The following KLHL31 variants were observed in gnomAD, a reference collection of about 807,000 sequenced individuals.
The protein encoded by KLHL31 is kelch like family member 31.
Under a neutral mutation model 47.1 loss-of-function variants are expected in KLHL31, and 32 were observed. The ratio of observed to expected loss-of-function variants is 0.68; its 90% CI spans 0.51 to 0.91. KLHL31 has a LOEUF of 0.91. KLHL31 is among the 40% of genes least tolerant of loss of function. The probability of loss-of-function intolerance (pLI) is 0.00; values close to 1 mark genes in which losing one functional copy is unlikely to be tolerated. For missense variants in KLHL31, 797 were observed against 819.3 expected, an observed-to-expected ratio of 0.97 and a Z score of 0.33; for synonymous variants, 330 against 325.1, an observed-to-expected ratio of 1.01 and a Z score of -0.16.
At chr6:53,656,500 G>T (rs571638926) in intron 1 of KLHL31, among the ~76,000 whole-genome samples, 1 of 152,068 alleles carries the variant, frequency 6.6e-6, no homozygotes, top group Non-Finnish European at 1.5e-5. Context: ...GTATATGTGT[G>T]TATGTGTGTG....
intron 1 of KLHL31, among the ~76,000 whole-genome samples, chr6:53,663,581 T>C (rs1307770590): frequency 6.6e-6 from 1 of 152,232 alleles, no homozygotes; most frequent in Non-Finnish European, 1.5e-5. Flanking sequence ...TTCAATCTCA[T>C]ATGGTTCAAC....
intron 1 of KLHL31, among the ~76,000 whole-genome samples, chr6:53,657,339 TCAGCTCTTGTGAGCCAGTGCAAGC>T (rs1764576831): frequency 6.6e-6 from 1 of 152,200 alleles, no homozygotes; most frequent in African/African-American, 2.4e-5. Context: ...AATTCATCAA[TCAGCTCTTGTGAGCCAGTGCAAGC>T]CAGCTCCAAC....
chr6:53,647,926 T>A lies in KLHL31; in HGVS notation c.*3672A>T, dbSNP rs58986531. On this transcript the variant is annotated 3_prime_UTR_variant, in exon 3 of 3. Transcript: ENST00000370905. The stretch of plus-strand genomic sequence containing the variant: ...TATTTAGTCATTGACTAAGGTCTTA[T>A]TGAATGCAGCTTTATTGATAGTGAT... 6.6e-6 allele frequency: 1 copy of A among 152,596 alleles called. No individual in the cohort carries two copies. Among genetic ancestry groups the A allele is most frequent in the Non-Finnish European group, 1.5e-5 (1 of 68,040 alleles). 9.5% of individuals were successfully genotyped at this position (152,596 alleles called of 1,614,324 possible). A position where few individuals can be genotyped will look rare whatever the true frequency, so the allele number is the denominator to read the frequency against.
At chr6:53,653,402 C>A (rs1356377073) in intron 2 of KLHL31, among the ~76,000 whole-genome samples, 1 of 152,176 alleles carries the variant, frequency 6.6e-6, no homozygotes, top group Non-Finnish European at 1.5e-5. Flanking sequence ...TGACTTTGTA[C>A]TACTACCATG....
rs1764459821 is a variant in KLHL31 at position 53,651,317 on chromosome 6, G to A, written c.*281C>T. ...TTAGGAAACATGCCGCCTTGGGAGA[G>A]TGCCTATAACGAATTCCGTCTGCCA... On this transcript the variant is annotated 3_prime_UTR_variant, in exon 3 of 3. Transcript: ENST00000370905. 6.7e-6 allele frequency: 2 copies of A among 297,054 alleles called. No homozygotes were observed. The highest frequency in any genetic ancestry group is 1.2e-5 in the Non-Finnish European group (2 of 165,852). The allele number at this position is 297,054 out of a possible 1,614,324, so 18.4% of individuals were successfully genotyped here.
rs1383096248 is a variant in KLHL31, at chr6:53,655,229, A to G, written c.44T>C (p.Ile15Thr). 16 of 1,603,546 alleles carry G rather than the reference A, an allele frequency of 1.0e-5. No individual in the cohort carries two copies. In the East Asian group the frequency reaches 2.5e-4, roughly 25 times the overall value. ...KKIVKKNKGD[I>T]NEMTIIVEDS... ...TTCTACGATTATAGTCATCTCATTG[A>G]TATCTCCTTTGTTCTTTTTGACAAT... is the stretch of plus-strand genomic sequence containing the variant. Residue 15 changes from isoleucine (I) to threonine (T), a missense_variant, in exon 2 of 3, where the codon ATC (isoleucine) becomes ACC (threonine). By Grantham distance (89) the Ile-to-Thr change is moderately conservative (BLOSUM62 -1). Transcript: ENST00000370905.
At position 53,654,276 on chromosome 6, in the gene KLHL31, T is replaced by TA; in HGVS notation, c.996dup (p.Ser333Ter). 6.2e-7 allele frequency: 1 copy of TA among 1,614,212 alleles called. No individual in the cohort carries two copies. Among genetic ancestry groups the TA allele is most frequent in the Non-Finnish European group, 8.5e-7 (1 of 1,180,032 alleles). ...GGGTCTCTATACAAGATGTCTCTGC[T>TA]AAGGGACTTCTCAGTAAGGCCTGGG... On this transcript the variant is annotated frameshift_variant, in exon 2 of 3. Transcript: ENST00000370905. LOFTEE classifies it high-confidence loss of function.
Position 53,652,305 on chromosome 6 carries a change from T to C in KLHL31, c.1198A>G (p.Ile400Val), listed in dbSNP as rs142009836. The C allele has an allele frequency of 1.5e-4, 243 of 1,614,124 alleles. No individual in the cohort carries two copies. The African/African-American group carries it at 2.9e-3, about 20-fold the overall frequency. Residue 400 changes from isoleucine to valine, a missense_variant, in exon 3 of 3, where the codon ATA becomes GTA. Physicochemically the swap from Ile to Val is conservative, Grantham distance 29. Transcript: ENST00000370905. ...TTCTGGTTCATGCTGGCCAGGTGTATCCAGGTGTTGAAGCGGGGATCGTAT... is the reference window on the plus strand; with the variant it reads ...TTCTGGTTCATGCTGGCCAGGTGTACCCAGGTGTTGAAGCGGGGATCGTAT... ...CRYDPRFNTW[I>V]HLASMNQKRT...
In KLHL31 at chr6:53,651,506, T is replaced by C; in HGVS notation, c.*92A>G. The C allele has an allele frequency of 6.4e-6, 9 of 1,397,710 alleles. No individual in the cohort carries two copies. Among genetic ancestry groups the C allele is most frequent in the Non-Finnish European group, 7.7e-6 (8 of 1,034,358 alleles). The allele number at this position is 1,397,710 out of a possible 1,614,324, so 86.6% of individuals were successfully genotyped here. ...ACAATACAATCAGTGTAGTAAATGT[T>C]AAATATTTTCCTTTTCGCGAACTCA... On this transcript the variant is annotated 3_prime_UTR_variant, in exon 3 of 3. Transcript: ENST00000370905.
intron 1 of KLHL31, among the ~76,000 whole-genome samples, chr6:53,659,415 T>C (rs954074343): frequency 6.6e-6 from 1 of 152,194 alleles, no homozygotes. Flanking sequence ...CATTTGGTTA[T>C]AGGTTAGGTG....
chr6:53,659,816 G>A (rs1173699202), intron 1 of KLHL31, among the ~76,000 whole-genome samples: 1 of 152,186 alleles, frequency 6.6e-6, no homozygotes, highest in Non-Finnish European at 1.5e-5. Flanking sequence ...AGTGCAACTT[G>A]AGGCTAGATG....
At chr6:53,653,910 T>G (rs1001598189) in intron 2 of KLHL31, among the ~76,000 whole-genome samples, 191 bp downstream of exon 2, 1 of 152,214 alleles carries the variant, frequency 6.6e-6, no homozygotes, top group Non-Finnish European at 1.5e-5. Context: ...TTCAGAAATC[T>G]ATAGTGCAAA....
chr6:53,653,577 C>T (rs1335313072), intron 2 of KLHL31, among the ~76,000 whole-genome samples: 1 of 152,048 alleles, frequency 6.6e-6, no homozygotes, highest in Admixed American at 6.6e-5. Flanking sequence ...TTCTGTTATT[C>T]GGTTTTCAAA....
Position 53,651,712 on chromosome 6 carries a change from G to C in KLHL31, c.1791C>G (p.Asp597Glu). 6.2e-7 allele frequency: 1 copy of C among 1,614,142 alleles called. No individual in the cohort carries two copies. The highest frequency in any genetic ancestry group is 8.5e-7 in the Non-Finnish European group (1 of 1,180,028). The change falls in exon 3 of 3, where the codon GAC (aspartate) becomes GAG (glutamate). Residue 597 changes from aspartate to glutamate, a missense_variant. Transcript: ENST00000370905. ...CGACAGTGGCCTCGGGTAGCTCGTC[G>C]TCCTCCGTCCACTCGTTGAGCTCGG... ...FSPELNEWTEDDELPEATVGV... is the reference protein window; with the variant it reads ...FSPELNEWTEEDELPEATVGV...
chr6:53,664,360 T>C (rs1005755631), intron 1 of KLHL31, among the ~76,000 whole-genome samples: 2 of 152,212 alleles, frequency 1.3e-5, no homozygotes, highest in Non-Finnish European at 2.9e-5. Flanking sequence ...GGTGAGTCCA[T>C]GAGTCCTGCG....
intron 1 of KLHL31, among the ~76,000 whole-genome samples, 186 bp from the exon 2 acceptor site, chr6:53,655,491 C>T (rs1764547196): frequency 6.6e-6 from 1 of 152,164 alleles, no homozygotes; most frequent in Admixed American, 6.5e-5. Flanking sequence ...CAGCATGAAG[C>T]ATTGAAGACA....
chr6:53,649,328 G>A lies in KLHL31; in HGVS notation c.*2270C>T, dbSNP rs1436550803. 6.6e-6 allele frequency: 1 copy of A among 152,060 alleles called. No homozygotes were observed. The highest frequency in any genetic ancestry group is 6.5e-5 in the Admixed American group (1 of 15,278). The allele number at this position is 152,060 out of a possible 1,614,324, so 9.4% of individuals were successfully genotyped here. On this transcript the variant is annotated 3_prime_UTR_variant, in exon 3 of 3. Coordinates refer to ENST00000370905, the MANE Select transcript of KLHL31 (RefSeq NM_001003760.5). Reference sequence around the variant, plus strand: ...ATTGGTCTTTATTTTCCTAACTGTTGAAGCAGAAGATAGAACAGCAATGCA... The same window carrying A: ...ATTGGTCTTTATTTTCCTAACTGTTAAAGCAGAAGATAGAACAGCAATGCA...
At position 53,654,188 on chromosome 6, in the gene KLHL31, A is replaced by C; in HGVS notation, c.1085T>G (p.Val362Gly). Residue 362 changes from valine (V) to glycine (G), a missense_variant, in exon 2 of 3, where the codon GTG (valine) becomes GGG (glycine). Val to Gly is a moderately radical substitution (Grantham distance 109). Transcript: ENST00000370905. ...PAKSFNQCVA[V>G]MDGFLYVAGG... ...GGCTACATAAAGAAATCCATCCATC[A>C]CAGCCACACACTGATTAAAACTTTT... 1 of 1,614,142 alleles carries C rather than the reference A, an allele frequency of 6.2e-7. No homozygotes were observed. Among genetic ancestry groups the C allele is most frequent in the East Asian group, 2.2e-5 (1 of 44,888 alleles).
chr6:53,659,744 A>C (rs562475430), intron 1 of KLHL31, among the ~76,000 whole-genome samples: 23 of 152,348 alleles, frequency 1.5e-4, no homozygotes, highest in African/African-American at 5.5e-4. Flanking sequence ...GATGCCAGGA[A>C]GGCTTGAACC....
Sources: gnomAD v4.1 joint callset for allele counts (sites outside exome capture counted in the v4.1 genomes callset) on GRCh38, gnomAD v4.1.1 for gene constraint, MANE v1.5 for transcripts, NCBI Gene and HGNC (gene_info 2026-07-23, HGNC 2026-07-21) for gene names.